Variants in ARHGAP12 observed in about 807,000 individuals in gnomAD.
The protein encoded by ARHGAP12 is rho GTPase-activating protein 12.
A neutral mutation model predicts 108.6 loss-of-function variants in ARHGAP12; 64 were observed. The ratio of observed to expected loss-of-function variants is 0.59; its 90% CI spans 0.48 to 0.73. ARHGAP12 has a LOEUF of 0.73. Among genes scored for constraint, ARHGAP12 ranks in the 30% least tolerant of loss-of-function variants. The probability of loss-of-function intolerance (pLI) is 0.00; values close to 1 mark genes in which losing one functional copy is unlikely to be tolerated. For missense variants in ARHGAP12, 940 were observed against 1,005.9 expected, an observed-to-expected ratio of 0.93 and a Z score of 0.89; for synonymous variants, 312 against 337.2, an observed-to-expected ratio of 0.93 and a Z score of 0.82.
At chr10:31,911,457 G>A (rs1839345443) in intron 1 of ARHGAP12, among the ~76,000 whole-genome samples, 1 of 151,776 alleles carries the variant, frequency 6.6e-6, no homozygotes, top group African/African-American at 2.4e-5. Context: ...GGGAACTGCA[G>A]TTGCACACCA....
At chr10:31,808,427 A>G (rs963583998) in intron 19 of ARHGAP12, 4 of 408,376 alleles carry the variant, frequency 9.8e-6, no homozygotes, top group Non-Finnish European at 1.8e-5. Context: ...TAAGCATTAC[A>G]TAAATACTTC....
At position 31,843,512 on chromosome 10, in the gene ARHGAP12, T is replaced by A; in HGVS notation, c.1245A>T (p.Ile415=). The A allele has an allele frequency of 4.3e-6, 7 of 1,613,392 alleles. No homozygotes were observed. The highest frequency in any genetic ancestry group is 5.9e-6 in the Non-Finnish European group (7 of 1,179,592). The part of the protein sequence containing the change: ...RSLDRRLQEP[I]VLTKWRHSTI... ...TGCTATGTCTCCACTTTGTTAATAC[T>A]ATTGGTTCTTGCAGCCGCCTGTCCA... The change falls in exon 7 of 20, where the codon ATA becomes ATT. Residue 415 remains isoleucine, a synonymous_variant. Transcript: ENST00000344936.
intron 6 of ARHGAP12, among the ~76,000 whole-genome samples, chr10:31,846,643 G>T (rs1836468971): frequency 6.6e-6 from 1 of 152,038 alleles, no homozygotes; most frequent in African/African-American, 2.4e-5. Flanking sequence ...ACTTTATCAG[G>T]GGGAGGGAGG....
At chr10:31,877,645 G>C (rs1015204637) in intron 3 of ARHGAP12, among the ~76,000 whole-genome samples, 2 of 152,184 alleles carry the variant, frequency 1.3e-5, no homozygotes, top group African/African-American at 4.8e-5. Flanking sequence ...ACAAAACAAG[G>C]TTTGATCCCA....
chr10:31,923,724 TG>T (rs953615951), intron 1 of ARHGAP12, among the ~76,000 whole-genome samples: 5 of 152,184 alleles, frequency 3.3e-5, no homozygotes, highest in Admixed American at 6.6e-5. Context: ...TCTAGAAAAT[TG>T]ATTTCCTAGA....
intron 11 of ARHGAP12, among the ~76,000 whole-genome samples, chr10:31,824,333 C>T (rs1329112380): frequency 6.6e-6 from 1 of 152,114 alleles, no homozygotes; most frequent in South Asian, 2.1e-4. Flanking sequence ...TATATTAATA[C>T]TATATCAATA....
chr10:31,906,371 ACCC>A (rs769460509), intron 3 of ARHGAP12, among the ~76,000 whole-genome samples: 1 of 152,174 alleles, frequency 6.6e-6, no homozygotes, highest in Non-Finnish European at 1.5e-5. Context: ...AAGAACCGTG[ACCC>A]CAATTTTTAA....
At position 31,908,901 on chromosome 10, in the gene ARHGAP12, C is replaced by T. The variant is rs1171189581; in HGVS notation, c.-46G>A. ...AAAAGGATGTTATACCACATTATGG[C>T]TTTATGGCTTGTTGGATGAATATAG... On this transcript the variant is annotated 5_prime_UTR_variant, in exon 3 of 20. Transcript: ENST00000344936. The T allele has an allele frequency of 4.7e-6, 7 of 1,479,074 alleles. No homozygotes were observed. Among genetic ancestry groups the T allele is most frequent in the Non-Finnish European group, 5.4e-6 (6 of 1,107,814 alleles). The allele number at this position is 1,479,074 out of a possible 1,614,324, so 91.6% of individuals were successfully genotyped here.
At chr10:31,872,385 C>G (rs1024871011) in intron 3 of ARHGAP12, among the ~76,000 whole-genome samples, 13 of 152,146 alleles carry the variant, frequency 8.5e-5, no homozygotes, top group African/African-American at 3.1e-4. Context: ...CTCACTACAT[C>G]CTCTGCCTCA....
intron 3 of ARHGAP12, among the ~76,000 whole-genome samples, chr10:31,902,006 A>C (rs1838947464): frequency 1.3e-5 from 2 of 152,248 alleles, no homozygotes; most frequent in Non-Finnish European, 2.9e-5. Context: ...CAAATAAGGT[A>C]ACATTCACAG....
At chr10:31,847,509 T>C (rs764122692) in intron 6 of ARHGAP12, among the ~76,000 whole-genome samples, 4 of 152,170 alleles carry the variant, frequency 2.6e-5, no homozygotes, top group African/African-American at 4.8e-5. Flanking sequence ...CTCAAAGATT[T>C]TGCTATGTTA....
chr10:31,890,259 T>G (rs913004298), intron 3 of ARHGAP12, among the ~76,000 whole-genome samples: 4 of 152,140 alleles, frequency 2.6e-5, no homozygotes, highest in African/African-American at 9.7e-5. Flanking sequence ...TTGTCCTAAA[T>G]TTTAAAAAAG....
chr10:31,814,373 A>G lies in ARHGAP12; in HGVS notation c.1732-12T>C, dbSNP rs1380980373. ...TCAGTTTCTACTGCCTATTGGTTAG[A>G]TATTTCCCAAACACATATTACACTT... On this transcript the variant is annotated splice_polypyrimidine_tract_variant and intron_variant, in intron 13 of 19. Transcript: ENST00000344936. 4 of 1,584,502 alleles carry G rather than the reference A, an allele frequency of 2.5e-6. No individual in the cohort carries two copies. The highest frequency in any genetic ancestry group is 3.5e-6 in the Non-Finnish European group (4 of 1,153,576).
Position 31,807,828 on chromosome 10 carries a change from T to C in ARHGAP12, c.2371A>G (p.Ile791Val). The C allele has an allele frequency of 6.5e-7, 1 of 1,526,944 alleles. No homozygotes were observed. Among genetic ancestry groups the C allele is most frequent in the Admixed American group, 2.2e-5 (1 of 44,824 alleles). 94.6% of individuals were successfully genotyped at this position (1,526,944 alleles called of 1,614,324 possible). Residue 791 changes from isoleucine (I) to valine (V), a missense_variant, in exon 20 of 20, where the codon ATA becomes GTA. Coordinates refer to ENST00000344936, the MANE Select transcript of ARHGAP12 (RefSeq NM_018287.7). ...ATTCGATTTTTCTCTCCATTTTCTATAACTCTGAAGGGAAAAAAAGAAGTT... is the reference window on the plus strand; with the variant it reads ...ATTCGATTTTTCTCTCCATTTTCTACAACTCTGAAGGGAAAAAAAGAAGTT... The part of the protein sequence containing the change: ...QILFRHLRRV[I>V]ENGEKNRMTY...
chr10:31,919,515 A>G (rs1053625157), intron 1 of ARHGAP12, among the ~76,000 whole-genome samples: 12 of 152,284 alleles, frequency 7.9e-5, no homozygotes, highest in African/African-American at 2.6e-4. Flanking sequence ...ATATAGGGCC[A>G]GGCGCGGTGG....
At chr10:31,820,527 C>T in intron 11 of ARHGAP12, 39 bp from the exon 12 acceptor site, 1 of 1,282,156 alleles carries the variant, frequency 7.8e-7, no homozygotes, top group Non-Finnish European at 1.1e-6. Context: ...TCATGTGATA[C>T]TCACATATAT....
chr10:31,850,432 T>C (rs1481674537), intron 6 of ARHGAP12, among the ~76,000 whole-genome samples: 2 of 152,208 alleles, frequency 1.3e-5, no homozygotes, highest in Non-Finnish European at 2.9e-5. Flanking sequence ...CTCAAAACAA[T>C]ACTCTTTCCC....
At chr10:31,883,890 T>G (rs905649168) in intron 3 of ARHGAP12, among the ~76,000 whole-genome samples, 1 of 151,816 alleles carries the variant, frequency 6.6e-6, no homozygotes, top group Non-Finnish European at 1.5e-5. Context: ...TTTTTTTGTA[T>G]TTTTTATAGA....
chr10:31,847,424 T>C (rs1475130227), intron 6 of ARHGAP12, among the ~76,000 whole-genome samples: 1 of 152,174 alleles, frequency 6.6e-6, no homozygotes, highest in Non-Finnish European at 1.5e-5. Context: ...TAATTGCTGT[T>C]CTGATCTGCC....
Sources: gnomAD v4.1 joint callset for allele counts (sites outside exome capture counted in the v4.1 genomes callset) on GRCh38, gnomAD v4.1.1 for gene constraint, MANE v1.5 for transcripts, NCBI Gene and HGNC (gene_info 2026-07-23, HGNC 2026-07-21) for gene names.